Variants in EDA observed in about 807,000 individuals in gnomAD.
The protein encoded by EDA is ectodysplasin A, also known as ectodysplasin-A.
Under a neutral mutation model 23.6 loss-of-function variants are expected in EDA, and 2 were observed. That is an observed-to-expected ratio of 0.08 (90% confidence interval 0.03 to 0.27). EDA has a LOEUF of 0.27. Ranked by LOEUF, EDA falls within the 10% of genes least tolerant of loss-of-function variation. EDA has a pLI of 1.00. For missense variants in EDA, 229 were observed against 324.2 expected (o/e 0.71, Z 2.26); for synonymous variants, 131 against 132.0 (o/e 0.99, Z 0.05).
intron 1 of EDA, among the ~76,000 whole-genome samples, chrX:69,825,684 G>C (rs2016404538): frequency 8.9e-6 from 1 of 112,831 alleles, no homozygotes; most frequent in Admixed American, 9.3e-5. Context: ...AGGGTTTTTT[G>C]TGTCTCTATT....
chrX:69,927,215 T>C (rs1054136073), intron 1 of EDA, among the ~76,000 whole-genome samples: 3 of 111,920 alleles, frequency 2.7e-5, no homozygotes, highest in African/African-American at 9.7e-5. Context: ...CTGGTTATTG[T>C]GCACACTAAT....
At chrX:69,637,104 T>A (rs929894020) in intron 1 of EDA, among the ~76,000 whole-genome samples, 1 of 111,945 alleles carries the variant, frequency 8.9e-6, no homozygotes, top group African/African-American at 3.2e-5. Flanking sequence ...CAGGAGCCCC[T>A]AATAATCTCA....
intron 1 of EDA, among the ~76,000 whole-genome samples, chrX:69,809,260 C>T (rs1218002741): frequency 9.0e-6 from 1 of 111,324 alleles, no homozygotes; most frequent in African/African-American, 3.3e-5. Context: ...ACAGTTCCAC[C>T]GGGTGCACAG....
At chrX:69,703,237 A>T (rs749562460) in intron 1 of EDA, among the ~76,000 whole-genome samples, 1 of 111,700 alleles carries the variant, frequency 9.0e-6, no homozygotes, top group East Asian at 2.8e-4. Context: ...GGAGAAACCA[A>T]GAGAGGCCGT....
chrX:69,999,301 C>T (rs1369181170), intron 2 of EDA, among the ~76,000 whole-genome samples: 1 of 110,923 alleles, frequency 9.0e-6, no homozygotes, highest in Non-Finnish European at 1.9e-5. Flanking sequence ...AAAAAAGTCA[C>T]CCAATGATAT....
At chrX:69,880,518 T>A (rs1258588829) in intron 1 of EDA, among the ~76,000 whole-genome samples, 1 of 112,140 alleles carries the variant, frequency 8.9e-6, no homozygotes, top group Non-Finnish European at 1.9e-5. Flanking sequence ...CACCACCATA[T>A]TGCCAGTAGT....
intron 1 of EDA, among the ~76,000 whole-genome samples, chrX:69,825,014 A>G (rs2016370977): frequency 1.2e-5 from 1 of 85,258 alleles, no homozygotes; most frequent in African/African-American, 4.6e-5. Context: ...TGATTTGCGT[A>G]TATTGAACCA....
At chrX:69,955,469 GA>G (rs2018986422) in intron 1 of EDA, among the ~76,000 whole-genome samples, 1 of 111,610 alleles carries the variant, frequency 9.0e-6, no homozygotes, top group Admixed American at 9.5e-5. Context: ...GTAAATCACA[GA>G]ATTTTGAAGA....
chrX:69,983,814 G>T (rs1417306874), intron 2 of EDA, among the ~76,000 whole-genome samples: 1 of 103,854 alleles, frequency 9.6e-6, no homozygotes, highest in Non-Finnish European at 2.0e-5. Flanking sequence ...TGCCTTGCTA[G>T]ATTGGGGAAG....
intron 1 of EDA, among the ~76,000 whole-genome samples, chrX:69,711,558 A>C (rs940145577): frequency 8.9e-6 from 1 of 111,785 alleles, no homozygotes; most frequent in African/African-American, 3.3e-5. Flanking sequence ...GAATAGTTTC[A>C]GAAGGAATGG....
intron 1 of EDA, among the ~76,000 whole-genome samples, chrX:69,828,728 C>T (rs1239438574): frequency 8.9e-6 from 1 of 112,361 alleles, no homozygotes; most frequent in Non-Finnish European, 1.9e-5. Context: ...GCTCCTCCCT[C>T]ATGTTATTCT....
chrX:69,753,884 C>T (rs1388890541), intron 1 of EDA, among the ~76,000 whole-genome samples: 1 of 77,103 alleles, frequency 1.3e-5, no homozygotes, highest in Non-Finnish European at 2.4e-5. Context: ...TTATCAGAGA[C>T]TAGGATTGCA....
At chrX:69,800,452 G>A (rs1033849943) in intron 1 of EDA, among the ~76,000 whole-genome samples, 1 of 111,183 alleles carries the variant, frequency 9.0e-6, no homozygotes, top group Admixed American at 9.6e-5. Context: ...ACTCTGACTT[G>A]ATCTTTACAC....
chrX:69,784,573 C>T (rs1424922211), intron 1 of EDA, among the ~76,000 whole-genome samples: 2 of 103,242 alleles, frequency 1.9e-5, no homozygotes, highest in African/African-American at 7.0e-5. Flanking sequence ...GCTTGTTTTT[C>T]TCAGGTTTGT....
chrX:69,632,621 C>T (rs1389313576), intron 1 of EDA, among the ~76,000 whole-genome samples: 1 of 112,307 alleles, frequency 8.9e-6, no homozygotes, highest in African/African-American at 3.2e-5. Flanking sequence ...TGCTCTAAGA[C>T]ATACTTCACT....
At chrX:69,650,619 T>C (rs1419949663) in intron 1 of EDA, among the ~76,000 whole-genome samples, 1 of 112,215 alleles carries the variant, frequency 8.9e-6, no homozygotes, top group East Asian at 2.8e-4. Context: ...TTTGAGGTGA[T>C]GAATATCTTA....
At chrX:69,860,552 G>A (rs1009025954) in intron 1 of EDA, among the ~76,000 whole-genome samples, 2 of 111,401 alleles carry the variant, frequency 1.8e-5, no homozygotes, top group East Asian at 5.6e-4. Flanking sequence ...TTGAATATTG[G>A]CTTCCAATCT....
At chrX:69,780,929 C>G (rs1226567872) in intron 1 of EDA, among the ~76,000 whole-genome samples, 1 of 111,563 alleles carries the variant, frequency 9.0e-6, no homozygotes, top group African/African-American at 3.3e-5. Context: ...ACCTGGCAAC[C>G]ACTATTCTAC....
At chrX:70,002,295 T>C (rs2019750425) in intron 2 of EDA, among the ~76,000 whole-genome samples, 1 of 109,067 alleles carries the variant, frequency 9.2e-6, no homozygotes, top group African/African-American at 3.3e-5. Context: ...GTTAACCTAG[T>C]TTTTTTTTCA....
Sources: gnomAD v4.1 joint callset for allele counts (sites outside exome capture counted in the v4.1 genomes callset) on GRCh38, gnomAD v4.1.1 for gene constraint, MANE v1.5 for transcripts, NCBI Gene and HGNC (gene_info 2026-07-23, HGNC 2026-07-21) for gene names.